OSBPL7: variants seen among roughly 807,000 people sequenced by gnomAD.
OSBPL7 encodes oxysterol-binding protein-related protein 7.
In OSBPL7, 66 loss-of-function variants were observed where a neutral mutation model predicts 115.8. The observed-to-expected ratio is 0.57, with a 90% CI of 0.47 to 0.70. OSBPL7 has a LOEUF of 0.70. Ranked by LOEUF, OSBPL7 falls within the 30% of genes least tolerant of loss-of-function variation. The pLI, the probability that OSBPL7 is intolerant of heterozygous loss-of-function variation, is 0.00. For missense variants in OSBPL7, 902 were observed against 1,125.5 expected, an observed-to-expected ratio of 0.80 and a Z score of 2.84; for synonymous variants, 441 against 439.2, an observed-to-expected ratio of 1.00 and a Z score of -0.05.
Position 47,816,706 on chromosome 17 carries a change from A to C in OSBPL7, c.796-11T>G. 1 of 1,614,050 alleles carries C rather than the reference A, an allele frequency of 6.2e-7. No individual in the cohort carries two copies. The highest frequency in any genetic ancestry group is 1.1e-5 in the South Asian group (1 of 91,074). On this transcript the variant is annotated splice_polypyrimidine_tract_variant and intron_variant, in intron 9 of 22. Coordinates refer to ENST00000007414, the MANE Select transcript of OSBPL7 (RefSeq NM_145798.3). This position sits in a 1 kb window ranked among gnomAD's most constrained non-coding sequence, Gnocchi z 5.8. Reference sequence around the variant, plus strand: ...ATGGAGACGACCAACCTGTAGGTGAAGGGGAAGGGCTGAAGGGGCCGGCCT... The same window carrying C: ...ATGGAGACGACCAACCTGTAGGTGACGGGGAAGGGCTGAAGGGGCCGGCCT...
chr17:47,814,983 G>A (rs1382752559), intron 13 of OSBPL7: 2 of 602,656 alleles, frequency 3.3e-6, no homozygotes, highest in Non-Finnish European at 5.7e-6. Context: ...TATGGCAGTA[G>A]TTTCAGGAGA....
chr17:47,814,494 C>T (rs753370777), intron 14 of OSBPL7, 27 bp downstream of exon 14: 6 of 1,515,862 alleles, frequency 4.0e-6, no homozygotes, highest in Non-Finnish European at 5.5e-6. Context: ...CCTCCCACCC[C>T]TCCCTGCCTG....
Position 47,816,556 on chromosome 17 carries a change from C to A in OSBPL7, c.928+7G>T, listed in dbSNP as rs1235428135. The A allele has an allele frequency of 6.2e-7, 1 of 1,608,272 alleles. No homozygotes were observed. The highest frequency in any genetic ancestry group is 1.7e-5 in the Admixed American group (1 of 59,176). On this transcript the variant is annotated splice_region_variant and intron_variant, in intron 10 of 22. Coordinates refer to ENST00000007414, the MANE Select transcript of OSBPL7 (RefSeq NM_145798.3). The surrounding 1 kb of genome is among the most constrained non-coding windows in gnomAD (Gnocchi z 5.8). ...CTCCCCACCAGCCCCTCCCAGCAGGCACTTACCCTTCTGGGCCAGGGCCCA... is the reference window on the plus strand; with the variant it reads ...CTCCCCACCAGCCCCTCCCAGCAGGAACTTACCCTTCTGGGCCAGGGCCCA...
chr17:47,819,811 C>A (rs985659830), intron 3 of OSBPL7, 29 bp from the exon 4 acceptor site: 3 of 1,614,018 alleles, frequency 1.9e-6, no homozygotes, highest in Non-Finnish European at 2.5e-6. Context: ...GTGACAGGAC[C>A]CGGGAGGCCG....
rs750478875 is a variant in OSBPL7, at chr17:47,810,763, ACTC to A, written c.1801+6_1801+8del. 1 of 1,613,774 alleles carries A rather than the reference ACTC, an allele frequency of 6.2e-7. No homozygotes were observed. The highest frequency in any genetic ancestry group is 8.5e-7 in the Non-Finnish European group (1 of 1,179,902). On this transcript the variant is annotated splice_donor_region_variant and intron_variant, in intron 17 of 22. Coordinates refer to ENST00000007414, the MANE Select transcript of OSBPL7 (RefSeq NM_145798.3). ...CAGGGCCACCCCGGCCCTGCCCTCT[ACTC>A]CTCACCTTGCCAGAAGGCGAAGTTC...
At chr17:47,820,544 G>A (rs2033367989) in intron 1 of OSBPL7, 179 bp from the exon 2 acceptor site, 1 of 459,700 alleles carries the variant, frequency 2.2e-6, no homozygotes, top group Middle Eastern at 5.8e-4. Flanking sequence ...TATGGACACT[G>A]CCCTGAGAGT....
intron 5 of OSBPL7, among the ~76,000 whole-genome samples, 177 bp from the exon 6 acceptor site, chr17:47,818,793 C>T (rs924804723): frequency 3.9e-5 from 6 of 152,282 alleles, no homozygotes; most frequent in Admixed American, 3.9e-4. Context: ...GAGCCCTTAG[C>T]TCTGTGCCTG....
intron 16 of OSBPL7, among the ~76,000 whole-genome samples, chr17:47,811,682 C>G (rs1447509669): frequency 6.6e-6 from 1 of 152,216 alleles, no homozygotes; most frequent in Admixed American, 6.5e-5. Flanking sequence ...TGTGGCAGAA[C>G]AGAAGTGGGT....
chr17:47,820,485 C>G, intron 1 of OSBPL7, 120 bp from the exon 2 acceptor site: 1 of 576,198 alleles, frequency 1.7e-6, no homozygotes, highest in South Asian at 2.0e-5. Flanking sequence ...ACCTGCCAAG[C>G]CTCTCCCAAG....
intron 16 of OSBPL7, 91 bp from the exon 17 acceptor site, chr17:47,810,926 TACC>T: frequency 1.5e-6 from 2 of 1,292,132 alleles, no homozygotes; most frequent in Admixed American, 2.0e-5. Flanking sequence ...TTCCCCTAAG[TACC>T]ACAAGACCAG....
Position 47,808,838 on chromosome 17 carries a change from T to C in OSBPL7, c.2297+26A>G, listed in dbSNP as rs1255697090. On this transcript the variant is annotated intron_variant, in intron 21 of 22. Transcript: ENST00000007414. The surrounding 1 kb of genome is among the most constrained non-coding windows in gnomAD (Gnocchi z 6.1). The stretch of plus-strand genomic sequence containing the variant: ...GTGGAGGGAGTGAACTAGATGGTTC[T>C]AGGCCGGCACCCATCCGGCACTGAC... 2 of 1,613,864 alleles carry C rather than the reference T, an allele frequency of 1.2e-6. No individual in the cohort carries two copies. Among genetic ancestry groups the C allele is most frequent in the East Asian group, 2.2e-5 (1 of 44,864 alleles).
At position 47,808,398 on chromosome 17, in the gene OSBPL7, G is replaced by A. The variant is rs780679700; in HGVS notation, c.2422C>T (p.Arg808Trp). 1.2e-6 allele frequency: 2 copies of A among 1,614,106 alleles called. No individual in the cohort carries two copies. The highest frequency in any genetic ancestry group is 1.7e-6 in the Non-Finnish European group (2 of 1,179,982). Residue 808 changes from arginine to tryptophan, a missense_variant and splice_region_variant, in exon 23 of 23, where the codon CGG becomes TGG. Arg to Trp is a moderately radical substitution (Grantham distance 101). This residue lies in a region of OSBPL7 where 230 missense variants were observed against 312.7 expected (regional missense o/e 0.74). Coordinates refer to ENST00000007414, the MANE Select transcript of OSBPL7 (RefSeq NM_145798.3). This position sits in a 1 kb window ranked among gnomAD's most constrained non-coding sequence, Gnocchi z 6.1. Reference sequence around the variant, plus strand: ...TCTTTCCCGCTGCTATCCGTCTGCCGCCTGGTGGGAGAAGGCGGTGGCAGT... The same window carrying A: ...TCTTTCCCGCTGCTATCCGTCTGCCACCTGGTGGGAGAAGGCGGTGGCAGT... ...NIVHQARFFR[R>W]QTDSSGKEWW...
Position 47,816,242 on chromosome 17 carries a change from A to G in OSBPL7, c.1024-40T>C. 1.3e-6 allele frequency: 2 copies of G among 1,520,396 alleles called. No individual in the cohort carries two copies. The highest frequency in any genetic ancestry group is 1.8e-6 in the Non-Finnish European group (2 of 1,122,062). The allele number at this position is 1,520,396 out of a possible 1,614,324, so 94.2% of individuals were successfully genotyped here. ...TGAGGGACACGGTGCCAGGAGGATG[A>G]GGTCCTCCCCACCTTGCCGCATCTC... On this transcript the variant is annotated intron_variant, in intron 11 of 22. Transcript: ENST00000007414. The surrounding 1 kb of genome is among the most constrained non-coding windows in gnomAD (Gnocchi z 5.8).
chr17:47,813,124 A>T, intron 16 of OSBPL7, 142 bp downstream of exon 16: 1 of 1,129,518 alleles, frequency 8.9e-7, no homozygotes, highest in South Asian at 1.6e-5. Context: ...GTGGGCCAGG[A>T]GCACCGCAGA....
At chr17:47,809,911 C>CT (rs1159738939) in intron 18 of OSBPL7, among the ~76,000 whole-genome samples, 1,522 of 46,632 alleles carry the variant, frequency 0.033, 26 homozygotes, top group East Asian at 0.081. Context: ...CTTTTCTTTT[C>CT]TTTTTTTTTT....
Position 47,818,619 on chromosome 17 carries a change from G to A in OSBPL7, c.370-3C>T, listed in dbSNP as rs563458634. Reference sequence around the variant, plus strand: ...TGGAATAGGTCCTGGGATTTGATCTGCAGAAGTGATGGAGAGGGGGAGGGC... The same window carrying A: ...TGGAATAGGTCCTGGGATTTGATCTACAGAAGTGATGGAGAGGGGGAGGGC... On this transcript the variant is annotated splice_polypyrimidine_tract_variant and splice_region_variant and intron_variant, in intron 5 of 22. Transcript: ENST00000007414. 4 of 1,611,212 alleles carry A rather than the reference G, an allele frequency of 2.5e-6. No individual in the cohort carries two copies. Among genetic ancestry groups the A allele is most frequent in the Non-Finnish European group, 1.7e-6 (2 of 1,179,018 alleles).
rs2033128471 is a variant in OSBPL7, at chr17:47,813,852, T to C, written c.1352-18A>G. 1 of 1,595,100 alleles carries C rather than the reference T, an allele frequency of 6.3e-7. No homozygotes were observed. The highest frequency in any genetic ancestry group is 8.5e-7 in the Non-Finnish European group (1 of 1,174,038). On this transcript the variant is annotated intron_variant, in intron 14 of 22. Coordinates refer to ENST00000007414, the MANE Select transcript of OSBPL7 (RefSeq NM_145798.3). ...ACACCCCCCTGGGGCCGCCCTGCCA[T>C]GTCACTCTCCATCTGGGCACCAGGC... is the stretch of plus-strand genomic sequence containing the variant.
At chr17:47,815,629 C>T (rs950716950) in intron 12 of OSBPL7, 3 of 470,068 alleles carry the variant, frequency 6.4e-6, no homozygotes, top group African/African-American at 5.9e-5. Flanking sequence ...CCTCTGTGTG[C>T]ACTAACCCAT....
chr17:47,814,490 ACC>A, intron 14 of OSBPL7, 29 bp downstream of exon 14: 1 of 334,276 alleles, frequency 3.0e-6, no homozygotes, highest in Non-Finnish European at 5.6e-6. Context: ...CCCGCCTCCC[ACC>A]CCTCCCTGCC....
Sources: gnomAD v4.1 joint callset for allele counts (sites outside exome capture counted in the v4.1 genomes callset) on GRCh38, gnomAD v4.1.1 for gene constraint, gnomAD v4.1.1 regional missense constraint, Gnocchi (gnomAD v3.1) non-coding constraint, MANE v1.5 for transcripts, NCBI Gene and HGNC (gene_info 2026-07-23, HGNC 2026-07-21) for gene names.